APAF1: variants seen among roughly 807,000 people sequenced by gnomAD.
The protein encoded by APAF1 is apoptotic peptidase activating factor 1, also known as apoptotic protease-activating factor 1.
APAF1 carries 91 observed loss-of-function variants against 152.4 expected under a neutral mutation model. The observed-to-expected ratio is 0.60, with a 90% CI of 0.50 to 0.71. The LOEUF (loss-of-function observed/expected upper bound fraction) is 0.71. Ranked by LOEUF, APAF1 falls within the 30% of genes least tolerant of loss-of-function variation. The probability of loss-of-function intolerance (pLI) is 0.00; values close to 1 mark genes in which losing one functional copy is unlikely to be tolerated. For missense variants in APAF1, 1,283 were observed against 1,472.0 expected (o/e 0.87, Z 2.10); for synonymous variants, 484 against 494.1 (o/e 0.98, Z 0.27).
chr12:98,703,648 G>A (rs1484863730), intron 18 of APAF1, 149 bp downstream of exon 18: 1 of 968,264 alleles, frequency 1.0e-6, no homozygotes, highest in Admixed American at 2.2e-5. Flanking sequence ...TCTAACTTTG[G>A]GATATTAAAC....
chr12:98,705,758 T>C (rs1225315268), intron 18 of APAF1, among the ~76,000 whole-genome samples: 1 of 152,222 alleles, frequency 6.6e-6, no homozygotes, highest in Admixed American at 6.5e-5. Flanking sequence ...TATTGTAGGT[T>C]TTACAGTCAG....
At chr12:98,700,011 ACT>A (rs1327496611) in intron 17 of APAF1, among the ~76,000 whole-genome samples, 4 of 152,140 alleles carry the variant, frequency 2.6e-5, no homozygotes, top group African/African-American at 4.8e-5. Context: ...TGATTTGATG[ACT>A]CTGACAGAAA....
At chr12:98,728,081 C>T (rs1261395808) in intron 26 of APAF1, among the ~76,000 whole-genome samples, 2 of 152,122 alleles carry the variant, frequency 1.3e-5, no homozygotes, top group East Asian at 1.9e-4. Context: ...CTGCTTTCCT[C>T]AGATCTTGGG....
intron 1 of APAF1, among the ~76,000 whole-genome samples, chr12:98,646,373 G>A (rs1216241564): frequency 3.3e-5 from 5 of 152,208 alleles, no homozygotes; most frequent in Non-Finnish European, 7.3e-5. Context: ...TTGTGCCCCT[G>A]CTGGGCATTT....
At chr12:98,655,690 T>A (rs1297106648) in intron 4 of APAF1, among the ~76,000 whole-genome samples, 1 of 152,214 alleles carries the variant, frequency 6.6e-6, no homozygotes, top group Non-Finnish European at 1.5e-5. Context: ...CCTGGCTCAC[T>A]GCAGCCTCAA....
rs529534371 is a variant in APAF1, at chr12:98,725,465, C to T, written c.3381C>T (p.Asn1127=). The T allele has an allele frequency of 5.3e-5, 85 of 1,614,070 alleles. 1 individual carries two copies. The highest frequency in any genetic ancestry group is 5.1e-4 in the South Asian group (46 of 91,074). Residue 1127 remains asparagine (N), a synonymous_variant, in exon 25 of 27, where the codon AAC becomes AAT. Coordinates refer to ENST00000551964, the MANE Select transcript of APAF1 (RefSeq NM_181861.2). The part of the protein sequence containing the change: ...LLPLHELRGH[N]GCVRCSAFSV... ...CACTTCATGAATTGAGGGGCCACAACGGCTGTGTGCGCTGCTCTGCCTTCT... is the reference window on the plus strand; with the variant it reads ...CACTTCATGAATTGAGGGGCCACAATGGCTGTGTGCGCTGCTCTGCCTTCT...
Position 98,662,722 on chromosome 12 carries a change from G to A in APAF1, c.871G>A (p.Gly291Arg). 3 of 1,612,984 alleles carry A rather than the reference G, an allele frequency of 1.9e-6. No individual in the cohort carries two copies. Among genetic ancestry groups the A allele is most frequent in the Non-Finnish European group, 2.5e-6 (3 of 1,179,612 alleles). ...GGAGAGTTCCTTAGGAAAGGAAAAA[G>A]GACTTGAAATTTTATCCCTTTTTGT... ...PVESSLGKEK[G>R]LEILSLFVNM... Residue 291 changes from glycine to arginine, a missense_variant, in exon 7 of 27, where the codon GGA (glycine) becomes AGA (arginine). Transcript: ENST00000551964.
intron 22 of APAF1, among the ~76,000 whole-genome samples, chr12:98,722,311 T>C (rs969951399): frequency 2.6e-5 from 4 of 152,216 alleles, no homozygotes; most frequent in African/African-American, 4.8e-5. Context: ...TCTTCTATTG[T>C]AGGACTTTTT....
At chr12:98,704,286 A>T (rs1438570531) in intron 18 of APAF1, among the ~76,000 whole-genome samples, 1 of 152,182 alleles carries the variant, frequency 6.6e-6, no homozygotes, top group Non-Finnish European at 1.5e-5. Flanking sequence ...TAGTTTTTCC[A>T]GGCTTTCTTA....
At chr12:98,676,792 A>G (rs1232008843) in intron 12 of APAF1, among the ~76,000 whole-genome samples, 2 of 151,962 alleles carry the variant, frequency 1.3e-5, no homozygotes, top group Admixed American at 6.6e-5. Flanking sequence ...GATTACAGGC[A>G]CGTGCCACCA....
chr12:98,662,881 A>G (rs1351397224), intron 7 of APAF1, 75 bp downstream of exon 7: 1 of 1,451,450 alleles, frequency 6.9e-7, no homozygotes, highest in East Asian at 2.3e-5. Context: ...GAGCTAATGA[A>G]TATGGTAATT....
intron 12 of APAF1, among the ~76,000 whole-genome samples, chr12:98,673,089 A>G (rs2097682312): frequency 6.6e-6 from 1 of 152,080 alleles, no homozygotes; most frequent in African/African-American, 2.4e-5. Flanking sequence ...AAATGTAAGT[A>G]CCTAAAATTG....
intron 15 of APAF1, among the ~76,000 whole-genome samples, chr12:98,683,822 C>T (rs908474002): frequency 2.0e-5 from 3 of 152,132 alleles, no homozygotes; most frequent in African/African-American, 4.8e-5. Context: ...CTACTTGAAT[C>T]GTAAGTAGAG....
chr12:98,650,330 A>G (rs925412526), intron 4 of APAF1, among the ~76,000 whole-genome samples: 9 of 151,898 alleles, frequency 5.9e-5, no homozygotes, highest in African/African-American at 2.2e-4. Context: ...CAAAAATACA[A>G]AAAAAATCAG....
intron 4 of APAF1, among the ~76,000 whole-genome samples, chr12:98,654,249 CTTTTCTT>C (rs1410509216): frequency 6.6e-6 from 1 of 152,042 alleles, no homozygotes; most frequent in Middle Eastern, 3.2e-3. Context: ...AGTGTTTTCT[CTTTTCTT>C]GCATGTATTT....
intron 24 of APAF1, among the ~76,000 whole-genome samples, chr12:98,724,718 CACTA>C (rs2097747860): frequency 6.8e-6 from 1 of 147,410 alleles, no homozygotes. Flanking sequence ...TACAACTGTT[CACTA>C]ACTGTTCGTG....
At chr12:98,661,136 C>T (rs979314410) in intron 5 of APAF1, among the ~76,000 whole-genome samples, 1 of 152,128 alleles carries the variant, frequency 6.6e-6, no homozygotes, top group African/African-American at 2.4e-5. Context: ...CTCCTGACCT[C>T]GTGATCTGCC....
chr12:98,730,852 T>A (rs1389621913), intron 26 of APAF1, among the ~76,000 whole-genome samples: 1 of 152,204 alleles, frequency 6.6e-6, no homozygotes. Context: ...GCTTAAAAAG[T>A]TCTTAACTTC....
intron 20 of APAF1, among the ~76,000 whole-genome samples, chr12:98,709,277 C>A (rs1224802648): frequency 6.6e-6 from 1 of 152,146 alleles, no homozygotes; most frequent in African/African-American, 2.4e-5. Context: ...AACTGTATTG[C>A]TTAGGGATCC....
Sources: gnomAD v4.1 joint callset for allele counts (sites outside exome capture counted in the v4.1 genomes callset) on GRCh38, gnomAD v4.1.1 for gene constraint, MANE v1.5 for transcripts, NCBI Gene and HGNC (gene_info 2026-07-23, HGNC 2026-07-21) for gene names.